Variants in CEP72 observed in about 807,000 individuals in gnomAD.
The protein encoded by CEP72 is centrosomal protein of 72 kDa.
CEP72 carries 78 observed loss-of-function variants against 65.7 expected under a neutral mutation model. That is an observed-to-expected ratio of 1.19 (90% CI 0.99 to 1.43). CEP72 has a LOEUF of 1.43. Ranked by LOEUF, CEP72 falls within the 40% of genes most tolerant of loss-of-function variation. The pLI, the probability that CEP72 is intolerant of heterozygous loss-of-function variation, is 0.00. For synonymous variants in CEP72, 358 were observed against 351.7 expected (o/e 1.02, Z -0.20); for missense variants, 914 against 832.9 (o/e 1.10, Z -1.20).
At chr5:671,757 G>A (rs1368127575), downstream of CEP72, among the ~76,000 whole-genome samples, 8 of 152,342 alleles carry the variant, frequency 5.3e-5, no homozygotes, top group East Asian at 5.8e-4. Flanking sequence ...CCTGCCAGGC[G>A]TGGCCACTAG....
rs1737907285 is a variant in CEP72, at chr5:640,146, C to T, written c.1343-262C>T. On this transcript the variant is annotated intron_variant, in intron 8 of 11. Coordinates refer to ENST00000264935, the MANE Select transcript of CEP72 (RefSeq NM_018140.4). Reference sequence around the variant, plus strand: ...AAGGCGCAGCGAGTTGTGGCGGCGCCACTGAAACCTTGAGACGTGGCGGCC... The same window carrying T: ...AAGGCGCAGCGAGTTGTGGCGGCGCTACTGAAACCTTGAGACGTGGCGGCC... 2.0e-5 allele frequency among the ~76,000 whole-genome samples: 3 copies of T among 152,304 alleles called. No individual in the cohort carries two copies. In the South Asian group the frequency reaches 6.2e-4, roughly 32 times the overall value.
intron 4 of CEP72, among the ~76,000 whole-genome samples, chr5:628,834 GGCCCCAGGACCCAGCGCCC>G (rs1260564114): frequency 6.7e-5 from 9 of 134,436 alleles, no homozygotes; most frequent in African/African-American, 2.0e-4. Flanking sequence ...CCCAGGGAGT[GGCCCCAGGACCCAGCGCCC>G]TTCTTTGTGC....
At chr5:639,059 G>T in intron 7 of CEP72, 30 bp from the exon 8 acceptor site, 1 of 1,612,394 alleles carries the variant, frequency 6.2e-7, no homozygotes, top group African/African-American at 1.3e-5. Context: ...TTACTGACTC[G>T]CTGGCCTCAT....
At chr5:616,744 TC>T (rs1736012307) in intron 1 of CEP72, among the ~76,000 whole-genome samples, 1 of 152,074 alleles carries the variant, frequency 6.6e-6, no homozygotes, top group Non-Finnish European at 1.5e-5. Context: ...GCAGTCAGGA[TC>T]CATTCTCACA....
chr5:619,500 C>T (rs1233263558), intron 2 of CEP72, among the ~76,000 whole-genome samples: 5 of 152,044 alleles, frequency 3.3e-5, no homozygotes, highest in African/African-American at 7.3e-5. Context: ...CCGTGGGATG[C>T]GCCTGCCCTG....
In CEP72 at chr5:624,536, C is replaced by G; in HGVS notation, c.469C>G (p.Leu157Val). The G allele has an allele frequency of 6.2e-7, 1 of 1,614,082 alleles. No homozygotes were observed. The highest frequency in any genetic ancestry group is 8.5e-7 in the Non-Finnish European group (1 of 1,179,902). The part of the protein sequence containing the change: ...SRLHFASEDS[L>V]DSKESVPASL... ...ACTGCATTTTGCATCAGAGGACTCA[C>G]TCGACTCCAAAGAGAGCGTCCCAGC... Residue 157 changes from leucine to valine, a missense_variant, in exon 4 of 12, where the codon CTC becomes GTC. By Grantham distance (32) the Leu-to-Val change is conservative. Coordinates refer to ENST00000264935, the MANE Select transcript of CEP72 (RefSeq NM_018140.4). This position sits in a 1 kb window ranked among gnomAD's most constrained non-coding sequence, Gnocchi z 4.7.
downstream of CEP72, among the ~76,000 whole-genome samples, chr5:670,482 G>A (rs1409600172): frequency 6.6e-6 from 1 of 152,102 alleles, no homozygotes; most frequent in African/African-American, 2.4e-5. Flanking sequence ...CTCCCCCAGG[G>A]CACCAACCTC....
In CEP72 at chr5:624,458, C is replaced by G. The variant is rs369455408; in HGVS notation, c.404-13C>G. ...TTGCCACCTGCACAGTCTTGTGTGG[C>G]CTTTTCTTCTAGACGATCGCCCCGT... On this transcript the variant is annotated splice_polypyrimidine_tract_variant and intron_variant, in intron 3 of 11. Coordinates refer to ENST00000264935, the MANE Select transcript of CEP72 (RefSeq NM_018140.4). The surrounding 1 kb of genome is among the most constrained non-coding windows in gnomAD (Gnocchi z 4.7). 6 of 1,608,104 alleles carry G rather than the reference C, an allele frequency of 3.7e-6. No homozygotes were observed. The African/African-American group carries it at 6.7e-5, about 18-fold the overall frequency.
chr5:623,711 CCT>C lies in CEP72; in HGVS notation c.404-759_404-758del, dbSNP rs1434312099. Among the ~76,000 whole-genome samples, 1 of 151,826 alleles carries C rather than the reference CCT, an allele frequency of 6.6e-6. No individual in the cohort carries two copies. Among genetic ancestry groups the C allele is most frequent in the Non-Finnish European group, 1.5e-5 (1 of 67,954 alleles). ...TGGCGCACGTGTCTCCTGAGGGTGCCCTGTGTGCTGGGTGGAGAGTGCCCCAG... is the reference window on the plus strand; with the variant it reads ...TGGCGCACGTGTCTCCTGAGGGTGCCGTGTGCTGGGTGGAGAGTGCCCCAG... On this transcript the variant is annotated intron_variant, in intron 3 of 11. Coordinates refer to ENST00000264935, the MANE Select transcript of CEP72 (RefSeq NM_018140.4). This position sits in a 1 kb window ranked among gnomAD's most constrained non-coding sequence, Gnocchi z 5.3.
At chr5:669,591 A>G (rs113938260), downstream of CEP72, among the ~76,000 whole-genome samples, 219 of 152,258 alleles carry the variant, frequency 1.4e-3, 4 homozygotes, top group African/African-American at 4.7e-3. Flanking sequence ...CCTGGTGACC[A>G]GTGCTGAGGC....
intron 11 of CEP72, among the ~76,000 whole-genome samples, chr5:651,076 CTG>C (rs1179893076): frequency 1.8e-4 from 12 of 65,988 alleles, no homozygotes; most frequent in African/African-American, 4.3e-4. Flanking sequence ...TGAGGTGTGA[CTG>C]TGAGGCGTGG....
rs1334269917 is a variant in CEP72, at chr5:645,042, C to T, written c.1666+617C>T. 2.6e-5 allele frequency among the ~76,000 whole-genome samples: 4 copies of T among 151,412 alleles called. No homozygotes were observed. Among genetic ancestry groups the T allele is most frequent in the Non-Finnish European group, 4.4e-5 (3 of 67,860 alleles). ...GTCCACGGTAACCTTCTCGGTGTGG[C>T]GTGGAGTCTCTTGGAAGTTTTAACT... On this transcript the variant is annotated intron_variant, in intron 10 of 11. Coordinates refer to ENST00000264935, the MANE Select transcript of CEP72 (RefSeq NM_018140.4). This position sits in a 1 kb window ranked among gnomAD's most constrained non-coding sequence, Gnocchi z 4.0.
intron 3 of CEP72, among the ~76,000 whole-genome samples, chr5:665,780 G>A (rs1220404267): frequency 7.1e-6 from 1 of 140,412 alleles, no homozygotes; most frequent in African/African-American, 2.7e-5. Context: ...CCCCATTCAT[G>A]CCCCTTCTGA....
Position 644,380 on chromosome 5 carries a change from G to A in CEP72, c.1621G>A (p.Val541Met). The change falls in exon 10 of 12, where the codon GTG (valine) becomes ATG (methionine). Residue 541 changes from valine (V) to methionine (M), a missense_variant. Val to Met is a conservative substitution (Grantham distance 21). Coordinates refer to ENST00000264935, the MANE Select transcript of CEP72 (RefSeq NM_018140.4). ...GCTTTTGTTGAGTATGAAAAAGGAA[G>A]TGAAGAGTGCAGACACTGCAGCCAC... ...KSLLLSMKKE[V>M]KSADTAATLN... 6.2e-7 allele frequency: 1 copy of A among 1,613,996 alleles called. No homozygotes were observed.
In CEP72 at chr5:629,284, G is replaced by A. The variant is rs181125353; in HGVS notation, c.513-4485G>A. Among the ~76,000 whole-genome samples the A allele has an allele frequency of 2.3e-3, 343 of 152,366 alleles. 2 individuals carry two copies. Among genetic ancestry groups the A allele is most frequent in the Non-Finnish European group, 4.0e-3 (274 of 68,038 alleles). On this transcript the variant is annotated intron_variant, in intron 4 of 11. Transcript: ENST00000264935. ...CCCTGAATGTGAAAGTGAACATTTG[G>A]AACACTTAACTTTCTTGATCACGTG... is the stretch of plus-strand genomic sequence containing the variant.
chr5:613,268 A>G (rs908276692), intron 1 of CEP72, among the ~76,000 whole-genome samples: 2 of 152,222 alleles, frequency 1.3e-5, no homozygotes, highest in Non-Finnish European at 1.5e-5. Flanking sequence ...CCACAGGCCA[A>G]TACACTGAGA....
At position 644,443 on chromosome 5, in the gene CEP72, T is replaced by C; in HGVS notation, c.1666+18T>C. On this transcript the variant is annotated intron_variant, in intron 10 of 11. Transcript: ENST00000264935. ...GATCGCTGGTAAGTTGATCGTGTAT[T>C]TGGTCACTTTGTAAACTTTAGGTGT... 1 of 1,612,638 alleles carries C rather than the reference T, an allele frequency of 6.2e-7. No homozygotes were observed. The highest frequency in any genetic ancestry group is 8.5e-7 in the Non-Finnish European group (1 of 1,179,222).
chr5:647,586 A>T (rs913876146), intron 10 of CEP72, among the ~76,000 whole-genome samples: 7 of 152,218 alleles, frequency 4.6e-5, no homozygotes, highest in Admixed American at 4.6e-4. Flanking sequence ...CAGACCACAC[A>T]GCTGCAGCCT....
At position 612,345 on chromosome 5, in the gene CEP72, A is replaced by C; in HGVS notation, c.-17A>C. 1 of 1,484,370 alleles carries C rather than the reference A, an allele frequency of 6.7e-7. No homozygotes were observed. The highest frequency in any genetic ancestry group is 2.3e-4 in the Middle Eastern group (1 of 4,262). The allele number at this position is 1,484,370 out of a possible 1,614,324, so 91.9% of individuals were successfully genotyped here. Reference sequence around the variant, plus strand: ...CCGCCCGCCGCGCAGGCGCCGTCCGAGGGCTCCGTTTGAAACATGGCGCGG... The same window carrying C: ...CCGCCCGCCGCGCAGGCGCCGTCCGCGGGCTCCGTTTGAAACATGGCGCGG... On this transcript the variant is annotated 5_prime_UTR_variant, in exon 1 of 12. Coordinates refer to ENST00000264935, the MANE Select transcript of CEP72 (RefSeq NM_018140.4).
Sources: gnomAD v4.1 joint callset for allele counts (sites outside exome capture counted in the v4.1 genomes callset) on GRCh38, gnomAD v4.1.1 for gene constraint, Gnocchi (gnomAD v3.1) non-coding constraint, MANE v1.5 for transcripts, NCBI Gene and HGNC (gene_info 2026-07-23, HGNC 2026-07-21) for gene names.